The following RASA2 variants were observed in gnomAD, a reference collection of about 807,000 sequenced individuals.
RASA2 encodes ras GTPase-activating protein 2.
RASA2 carries 155 observed loss-of-function variants against 118.2 expected under a neutral mutation model. The observed-to-expected ratio is 1.31, with a 90% confidence interval of 1.15 to 1.50. The LOEUF is 1.50. Among genes scored for constraint, RASA2 ranks in the 40% most tolerant of loss-of-function variants. RASA2 has a pLI of 0.00. For synonymous variants in RASA2, 353 were observed against 349.1 expected, an observed-to-expected ratio of 1.01 and a Z score of -0.12; for missense variants, 1,016 against 1,009.6, an observed-to-expected ratio of 1.01 and a Z score of -0.09.
chr3:141,612,195 T>C, intron 23 of RASA2, 88 bp from the exon 24 acceptor site: 1 of 1,033,476 alleles, frequency 9.7e-7, no homozygotes, highest in Non-Finnish European at 1.4e-6. Flanking sequence ...CCAGGGAAAA[T>C]TCTAAATACT....
Position 141,559,992 on chromosome 3 carries a change from C to T in RASA2, c.860C>T (p.Ala287Val). 1 of 1,611,222 alleles carries T rather than the reference C, an allele frequency of 6.2e-7. No individual in the cohort carries two copies. The highest frequency in any genetic ancestry group is 1.1e-5 in the South Asian group (1 of 90,958). The change falls in exon 9 of 24, where the codon GCC becomes GTC. Residue 287 changes from alanine (A) to valine (V), a missense_variant. Ala to Val is a moderately conservative substitution (Grantham distance 64). This residue lies in a region of RASA2 where 896 missense variants were observed against 836.4 expected (regional missense o/e 1.07). Coordinates refer to ENST00000286364, the MANE Select transcript of RASA2 (RefSeq NM_006506.5). ...TTAAGAACTGATTCCTCTCATCAAG[C>T]CTGGTAAGGGCCCAGCATTTTAGTG... ...NVLRTDSSHQ[A>V]WYLLQPRDNG...
At chr3:141,593,214 A>T (rs971260440) in intron 19 of RASA2, among the ~76,000 whole-genome samples, 1 of 151,918 alleles carries the variant, frequency 6.6e-6, no homozygotes. Context: ...TGCCCGGCTA[A>T]TTTTGTATTT....
intron 1 of RASA2, among the ~76,000 whole-genome samples, chr3:141,489,737 C>G (rs537834887): frequency 6.6e-6 from 1 of 152,112 alleles, no homozygotes; most frequent in Admixed American, 6.5e-5. Flanking sequence ...CTTGAATGTT[C>G]AAGAGATAAT....
Position 141,580,469 on chromosome 3 carries a change from T to G in RASA2, c.1674+18T>G, listed in dbSNP as rs1361737596. ...AAAGCAAGGTAAGTCCTTACATCTT[T>G]TATTTTGTTTTTACACTTCTAAATG... On this transcript the variant is annotated intron_variant, in intron 16 of 23. Transcript: ENST00000286364. 1 of 1,550,322 alleles carries G rather than the reference T, an allele frequency of 6.5e-7. No individual in the cohort carries two copies. The highest frequency in any genetic ancestry group is 1.4e-5 in the African/African-American group (1 of 72,886).
intron 17 of RASA2, among the ~76,000 whole-genome samples, chr3:141,585,072 G>C (rs917362224): frequency 1.3e-5 from 2 of 152,056 alleles, no homozygotes; most frequent in African/African-American, 4.8e-5. Flanking sequence ...ACAAAAACAG[G>C]CTACAGGTCA....
intron 23 of RASA2, among the ~76,000 whole-genome samples, chr3:141,610,739 C>T (rs2083637737): frequency 6.6e-6 from 1 of 151,866 alleles, no homozygotes; most frequent in South Asian, 2.1e-4. Context: ...GATCCTCCTG[C>T]CTCGTCTCTC....
intron 1 of RASA2, among the ~76,000 whole-genome samples, chr3:141,501,507 G>C (rs1381841077): frequency 6.6e-6 from 1 of 152,224 alleles, no homozygotes; most frequent in Admixed American, 6.5e-5. Flanking sequence ...AAGCATTATA[G>C]TTACCTCTTT....
intron 1 of RASA2, among the ~76,000 whole-genome samples, chr3:141,503,460 TC>T (rs2081815808): frequency 6.6e-6 from 1 of 152,236 alleles, no homozygotes; most frequent in South Asian, 2.1e-4. Flanking sequence ...TGGCTGTTTT[TC>T]CATTTCTGTT....
rs2107769362 is a variant in RASA2, at chr3:141,580,369, A to T, written c.1592A>T (p.Asp531Val). ...TTTGGTCTTTTTTACATTCTTTAGGATGCACAGACAATTAGAACATTAACT... is the reference window on the plus strand; with the variant it reads ...TTTGGTCTTTTTTACATTCTTTAGGTTGCACAGACAATTAGAACATTAACT... The part of the protein sequence containing the change: ...HTFHLRPHHP[D>V]AQTIRTLTLI... The change falls in exon 16 of 24, where the codon GAT (aspartate) becomes GTT (valine). Residue 531 changes from aspartate to valine, a missense_variant and splice_region_variant. Physicochemically the swap from Asp to Val is radical, Grantham distance 152. Coordinates refer to ENST00000286364, the MANE Select transcript of RASA2 (RefSeq NM_006506.5). 4 of 1,597,440 alleles carry T rather than the reference A, an allele frequency of 2.5e-6. No homozygotes were observed. Among genetic ancestry groups the T allele is most frequent in the African/African-American group, 2.7e-5 (2 of 74,404 alleles).
rs117071568 is a variant in RASA2 at position 141,530,121 on chromosome 3, T to C, written c.450+319T>C. On this transcript the variant is annotated intron_variant, in intron 4 of 23. Transcript: ENST00000286364. ...GTTTTAAGGGAAAATATGTGTTTTATTAACTCTGACTTTGGGGGAGAATCC... is the reference window on the plus strand; with the variant it reads ...GTTTTAAGGGAAAATATGTGTTTTACTAACTCTGACTTTGGGGGAGAATCC... 1.4e-3 allele frequency among the ~76,000 whole-genome samples: 219 copies of C among 152,270 alleles called. 7 individuals carry two copies. The East Asian group carries it at 0.024, about 17-fold the overall frequency.
At position 141,586,044 on chromosome 3, in the gene RASA2, C is replaced by G. The variant is rs964003030; in HGVS notation, c.1772C>G (p.Ser591Cys). The change falls in exon 18 of 24, where the codon TCT becomes TGT. Residue 591 changes from serine (S) to cysteine (C), a missense_variant. Around this residue, in one of 2 missense-constraint regions of RASA2, gnomAD observed 896 missense variants for 836.4 expected, o/e 1.07. Coordinates refer to ENST00000286364, the MANE Select transcript of RASA2 (RefSeq NM_006506.5). Reference sequence around the variant, plus strand: ...ATTTAGTTCTTGGATGAAATTTCATCTACTGAAACTAAAGAGTCCAGTGGT... The same window carrying G: ...ATTTAGTTCTTGGATGAAATTTCATGTACTGAAACTAAAGAGTCCAGTGGT... Reference protein sequence around the residue: ...AVKKFLDEISSTETKESSGTS... With the variant: ...AVKKFLDEISCTETKESSGTS... 5 of 1,610,234 alleles carry G rather than the reference C, an allele frequency of 3.1e-6. No individual in the cohort carries two copies. Among genetic ancestry groups the G allele is most frequent in the Middle Eastern group, 1.7e-4 (1 of 6,050 alleles).
At chr3:141,579,262 A>G (rs2083061720) in intron 15 of RASA2, among the ~76,000 whole-genome samples, 2 of 152,180 alleles carry the variant, frequency 1.3e-5, no homozygotes, top group African/African-American at 4.8e-5. Flanking sequence ...GTGTTTTGAT[A>G]GAAACTTACA....
chr3:141,554,043 C>A, intron 6 of RASA2, 103 bp downstream of exon 6: 1 of 1,453,152 alleles, frequency 6.9e-7, no homozygotes, highest in South Asian at 1.5e-5. Context: ...CTATTTATAA[C>A]ACACAGTAAT....
intron 5 of RASA2, among the ~76,000 whole-genome samples, chr3:141,546,452 A>G (rs1373442593): frequency 6.6e-6 from 1 of 152,180 alleles, no homozygotes; most frequent in East Asian, 1.9e-4. Context: ...GATGTTGAGC[A>G]CCTTTTCATA....
At chr3:141,561,772 ATAGAT>A (rs1414012637) in intron 9 of RASA2, among the ~76,000 whole-genome samples, 1 of 152,240 alleles carries the variant, frequency 6.6e-6, no homozygotes, top group Non-Finnish European at 1.5e-5. Context: ...AAGTCTCAAA[ATAGAT>A]TAATTTTTAA....
chr3:141,539,933 A>C (rs1266772893), intron 4 of RASA2, among the ~76,000 whole-genome samples: 1 of 152,062 alleles, frequency 6.6e-6, no homozygotes, highest in Non-Finnish European at 1.5e-5. Context: ...TCTTTTGTTT[A>C]TTGTCTTCCC....
chr3:141,516,823 G>C (rs926885851), intron 3 of RASA2, among the ~76,000 whole-genome samples: 3 of 151,144 alleles, frequency 2.0e-5, no homozygotes, highest in African/African-American at 7.3e-5. Context: ...TCCCAGGCTG[G>C]ACTGCAGTGG....
intron 1 of RASA2, among the ~76,000 whole-genome samples, chr3:141,503,922 G>A (rs1247043496): frequency 3.3e-5 from 5 of 152,144 alleles, no homozygotes; most frequent in African/African-American, 7.2e-5. Flanking sequence ...AATCTTTGGA[G>A]TAGTTGACAT....
intron 4 of RASA2, among the ~76,000 whole-genome samples, chr3:141,533,467 T>C (rs1474151882): frequency 6.6e-6 from 1 of 152,184 alleles, no homozygotes; most frequent in African/African-American, 2.4e-5. Context: ...CGCAAAGGGT[T>C]CCCTTAGTTG....
Sources: gnomAD v4.1 joint callset for allele counts (sites outside exome capture counted in the v4.1 genomes callset) on GRCh38, gnomAD v4.1.1 for gene constraint, gnomAD v4.1.1 regional missense constraint, MANE v1.5 for transcripts, NCBI Gene and HGNC (gene_info 2026-07-23, HGNC 2026-07-21) for gene names.